FBLN2: variants seen among roughly 807,000 people sequenced by gnomAD.
FBLN2 encodes fibulin-2.
Under a neutral mutation model 123.7 loss-of-function variants are expected in FBLN2, and 81 were observed. The ratio of observed to expected loss-of-function variants is 0.65; its 90% CI spans 0.55 to 0.79. The LOEUF (loss-of-function observed/expected upper bound fraction) is 0.79, where lower values mean the gene tolerates loss of function less well. FBLN2 is among the 30% of genes least tolerant of loss of function. FBLN2 has a pLI of 0.00. For synonymous variants in FBLN2, 699 were observed against 701.4 expected (o/e 1.00, Z 0.05); for missense variants, 1,603 against 1,681.3 (o/e 0.95, Z 0.81).
rs1321094555 is a variant in FBLN2, at chr3:13,618,278, C to T, written c.1932C>T (p.Cys644=). 1 of 1,613,666 alleles carries T rather than the reference C, an allele frequency of 6.2e-7. No homozygotes were observed. The highest frequency in any genetic ancestry group is 1.3e-5 in the African/African-American group (1 of 74,956). The part of the protein sequence containing the change: ...GFSLQDDGRT[C]RPEGHPPQPE... ...CACTGCAGGACGATGGCCGCACTTG[C>T]CGCCCAGGTAAGGGCCCTGATGGCC... The change falls in exon 6 of 18, where the codon TGC becomes TGT. Residue 644 remains cysteine, a synonymous_variant. Transcript: ENST00000404922.
intron 2 of FBLN2, among the ~76,000 whole-genome samples, chr3:13,578,200 G>A (rs1704210038): frequency 6.6e-6 from 1 of 152,220 alleles, no homozygotes; most frequent in African/African-American, 2.4e-5. Flanking sequence ...ACTTTATTGA[G>A]ATATTATTTG....
In FBLN2 at chr3:13,636,469, C is replaced by T; in HGVS notation, c.3239C>T (p.Thr1080Ile). Residue 1080 changes from threonine (T) to isoleucine (I), a missense_variant, in exon 17 of 18, where the codon ACC (threonine) becomes ATC (isoleucine). Coordinates refer to ENST00000404922, the MANE Select transcript of FBLN2 (RefSeq NM_001004019.2). ...CKDVDECALGTHNCSEAETCH... is the reference protein window; with the variant it reads ...CKDVDECALGIHNCSEAETCH... ...GACGTGGATGAGTGTGCACTGGGTA[C>T]CCACAACTGTTCCGAGGCTGAGACC... The T allele has an allele frequency of 6.2e-7, 1 of 1,613,698 alleles. No homozygotes were observed. Among genetic ancestry groups the T allele is most frequent in the South Asian group, 1.1e-5 (1 of 91,008 alleles).
At chr3:13,612,289 A>C (rs879856670) in intron 4 of FBLN2, among the ~76,000 whole-genome samples, 6,120 of 91,060 alleles carry the variant, frequency 0.067, 146 homozygotes, top group Middle Eastern at 0.15. Context: ...CTTTTCTTTT[A>C]TTTTCCTTTC....
At chr3:13,616,473 C>T (rs1046890042) in intron 5 of FBLN2, among the ~76,000 whole-genome samples, 3 of 152,212 alleles carry the variant, frequency 2.0e-5, no homozygotes, top group Non-Finnish European at 2.9e-5. Flanking sequence ...GTCTGTCCGC[C>T]GCCTGCCTGC....
At chr3:13,617,930 CCATCCATCCTGCTT>C in intron 5 of FBLN2, 132 bp from the exon 6 acceptor site, 1 of 631,224 alleles carries the variant, frequency 1.6e-6, no homozygotes, top group Non-Finnish European at 2.8e-6. Flanking sequence ...ACCCACCCAT[CCATCCATCCTGCTT>C]CATCCATCCT....
chr3:13,555,705 T>C (rs950508989), intron 1 of FBLN2, among the ~76,000 whole-genome samples: 3 of 152,118 alleles, frequency 2.0e-5, no homozygotes, highest in African/African-American at 4.8e-5. Flanking sequence ...CCACCCGCCT[T>C]GGCCTCTCAA....
intron 2 of FBLN2, among the ~76,000 whole-genome samples, chr3:13,599,039 A>G (rs1405849540): frequency 6.6e-6 from 1 of 152,166 alleles, no homozygotes; most frequent in Non-Finnish European, 1.5e-5. Context: ...CTGGGAGCTG[A>G]GTCTGGGCTG....
intron 16 of FBLN2, among the ~76,000 whole-genome samples, chr3:13,633,914 T>C (rs1706352294): frequency 7.5e-6 from 1 of 132,886 alleles, no homozygotes; most frequent in African/African-American, 2.8e-5. Flanking sequence ...TGCATGCATT[T>C]CCCTCCAGTC....
chr3:13,607,919 G>A (rs949032869), intron 2 of FBLN2, 143 bp from the exon 3 acceptor site: 1 of 640,850 alleles, frequency 1.6e-6, no homozygotes, highest in South Asian at 1.9e-5. Flanking sequence ...CAGTTGTGTT[G>A]TGAGCTGTTA....
chr3:13,638,105 T>G lies in FBLN2; in HGVS notation c.*186T>G, dbSNP rs1575007607. On this transcript the variant is annotated 3_prime_UTR_variant, in exon 18 of 18. Coordinates refer to ENST00000404922, the MANE Select transcript of FBLN2 (RefSeq NM_001004019.2). ...AGGAAGTTCCACGGCAGGTGGTGCG[T>G]TCCCACGCAGGCACCAAGTGGAAGC... The G allele has an allele frequency of 3.0e-6, 2 of 674,068 alleles. No homozygotes were observed. The highest frequency in any genetic ancestry group is 5.1e-6 in the Non-Finnish European group (2 of 389,534). 41.8% of individuals were successfully genotyped at this position (674,068 alleles called of 1,614,324 possible).
At chr3:13,619,857 C>T (rs1705786695) in intron 8 of FBLN2, 26 bp downstream of exon 8, 2 of 1,573,420 alleles carry the variant, frequency 1.3e-6, no homozygotes, top group African/African-American at 2.7e-5. Context: ...TGCCCTCCTA[C>T]CTGTGCAAAC....
chr3:13,582,985 C>T (rs1559407788), intron 2 of FBLN2, among the ~76,000 whole-genome samples: 1 of 152,286 alleles, frequency 6.6e-6, no homozygotes, highest in Non-Finnish European at 1.5e-5. Flanking sequence ...CTATGTTTGC[C>T]ACTCCAGCTG....
chr3:13,612,646 G>C (rs142195006), intron 4 of FBLN2, among the ~76,000 whole-genome samples: 8 of 152,216 alleles, frequency 5.3e-5, no homozygotes, highest in African/African-American at 1.9e-4. Context: ...CTCCCAAAGT[G>C]CTGGGATTAC....
At chr3:13,561,494 T>C (rs1017009799) in intron 1 of FBLN2, among the ~76,000 whole-genome samples, 10 of 151,310 alleles carry the variant, frequency 6.6e-5, no homozygotes, top group African/African-American at 2.4e-4. Flanking sequence ...CCTCCTTCCC[T>C]GCATGCCGGC....
chr3:13,625,021 G>A (rs1705985026), intron 9 of FBLN2, among the ~76,000 whole-genome samples: 1 of 151,854 alleles, frequency 6.6e-6, no homozygotes, highest in Admixed American at 6.6e-5. Flanking sequence ...GGCCTCTGTG[G>A]CCCCAGGGCA....
intron 1 of FBLN2, among the ~76,000 whole-genome samples, chr3:13,567,394 G>T (rs1051335801): frequency 6.6e-6 from 1 of 152,222 alleles, no homozygotes; most frequent in Admixed American, 6.5e-5. Context: ...GTCTCCCTCT[G>T]TTCCCCAGGA....
At position 13,608,193 on chromosome 3, in the gene FBLN2, G is replaced by A; in HGVS notation, c.1418+20G>A. On this transcript the variant is annotated intron_variant, in intron 3 of 17. Coordinates refer to ENST00000404922, the MANE Select transcript of FBLN2 (RefSeq NM_001004019.2). ...CTGCAGGTAGGGTGGGCTCCCTGGAGCAGGCGGAGCTGCCCATTTGCCTTC... is the reference window on the plus strand; with the variant it reads ...CTGCAGGTAGGGTGGGCTCCCTGGAACAGGCGGAGCTGCCCATTTGCCTTC... 1.3e-6 allele frequency: 2 copies of A among 1,536,992 alleles called. No homozygotes were observed. The highest frequency in any genetic ancestry group is 8.8e-7 in the Non-Finnish European group (1 of 1,131,310).
At chr3:13,598,202 C>A (rs1226055238) in intron 2 of FBLN2, among the ~76,000 whole-genome samples, 2 of 152,212 alleles carry the variant, frequency 1.3e-5, no homozygotes, top group Non-Finnish European at 2.9e-5. Context: ...AAAGTAGTCA[C>A]CAAGCGTCTT....
chr3:13,633,954 A>AACACACACACAC (rs56947028), intron 16 of FBLN2, among the ~76,000 whole-genome samples: 3,941 of 112,840 alleles, frequency 0.035, 236 homozygotes, highest in African/African-American at 0.062. Flanking sequence ...ACACACTGCA[A>AACACACACACAC]ACACACACAC....
Sources: gnomAD v4.1 joint callset for allele counts (sites outside exome capture counted in the v4.1 genomes callset) on GRCh38, gnomAD v4.1.1 for gene constraint, MANE v1.5 for transcripts, NCBI Gene and HGNC (gene_info 2026-07-23, HGNC 2026-07-21) for gene names.